DNAH5: variants seen among roughly 807,000 people sequenced by gnomAD.
DNAH5 encodes axonemal beta dynein heavy chain 5.
In DNAH5, 372 loss-of-function variants were observed where a neutral mutation model predicts 518.2. The ratio of observed to expected loss-of-function variants is 0.72; its 90% CI spans 0.66 to 0.78. The LOEUF (loss-of-function observed/expected upper bound fraction) is 0.78. DNAH5 is among the 30% of genes least tolerant of loss of function. The pLI is 0.00. For missense variants in DNAH5, 5,523 were observed against 5,687.0 expected (o/e 0.97, Z 0.93); for synonymous variants, 2,039 against 2,025.9 (o/e 1.01, Z -0.17).
chr5:13,876,748 G>A lies in DNAH5; in HGVS notation c.3332C>T (p.Ser1111Phe). The change falls in exon 22 of 79, where the codon TCT becomes TTT. Residue 1111 changes from serine to phenylalanine, a missense_variant. By Grantham distance (155) the Ser-to-Phe change is radical. Coordinates refer to ENST00000265104, the MANE Select transcript of DNAH5 (RefSeq NM_001369.3). ...VQTKNYYKNV[S>F]ENKEIVKLVS... Reference sequence around the variant, plus strand: ...TAATTTTACAATCTCTTTGTTTTCAGAAACATTCTTATAATAGTTCTTGGT... The same window carrying A: ...TAATTTTACAATCTCTTTGTTTTCAAAAACATTCTTATAATAGTTCTTGGT... 1 of 1,613,830 alleles carries A rather than the reference G, an allele frequency of 6.2e-7. No homozygotes were observed. The highest frequency in any genetic ancestry group is 1.3e-5 in the African/African-American group (1 of 75,034).
chr5:13,727,786 T>A (rs1404955183), intron 69 of DNAH5, 130 bp from the exon 70 acceptor site: 9 of 1,020,778 alleles, frequency 8.8e-6, no homozygotes, highest in Non-Finnish European at 1.3e-5. Flanking sequence ...GCTATTTTTT[T>A]ATTTTATATT....
Position 13,718,991 on chromosome 5 carries a change from C to A in DNAH5, c.12390G>T (p.Met4130Ile). Residue 4130 changes from methionine (M) to isoleucine (I), a missense_variant, in exon 72 of 79, where the codon ATG (methionine) becomes ATT (isoleucine). This residue lies in a region of DNAH5 where 5,121 missense variants were observed against 5,223.3 expected (regional missense o/e 0.98). Transcript: ENST00000265104. ...GAAACTGCTTATGAGCCTCGGTGGT[C>A]ATCCAGAGGCGGAACGCATCATGTA... Reference protein sequence around the residue: ...ELVHDAFRLWMTTEAHKQFPI... With the variant: ...ELVHDAFRLWITTEAHKQFPI... 1 of 1,613,940 alleles carries A rather than the reference C, an allele frequency of 6.2e-7. No individual in the cohort carries two copies. Among genetic ancestry groups the A allele is most frequent in the South Asian group, 1.1e-5 (1 of 91,042 alleles).
intron 35 of DNAH5, among the ~76,000 whole-genome samples, chr5:13,831,573 A>C (rs1763673923): frequency 6.6e-6 from 1 of 152,226 alleles, no homozygotes; most frequent in Non-Finnish European, 1.5e-5. Context: ...AGTGGAAATG[A>C]ACACTGAGTG....
intron 1 of DNAH5, among the ~76,000 whole-genome samples, chr5:13,937,474 T>C (rs1779033110): frequency 6.6e-6 from 1 of 151,584 alleles, no homozygotes; most frequent in African/African-American, 2.4e-5. Context: ...CCCCATCTTC[T>C]ACTCCTGAAA....
chr5:13,825,875 CAA>C (rs922229693), intron 38 of DNAH5, among the ~76,000 whole-genome samples: 1 of 151,592 alleles, frequency 6.6e-6, no homozygotes, highest in South Asian at 2.1e-4. Context: ...TTTACCACAA[CAA>C]AAAAAATGTA....
chr5:13,702,922 T>C (rs1308957978), intron 76 of DNAH5, among the ~76,000 whole-genome samples: 3 of 151,728 alleles, frequency 2.0e-5, no homozygotes, highest in Non-Finnish European at 4.4e-5. Flanking sequence ...CAACCCTCTA[T>C]CCTCCCACCC....
intron 65 of DNAH5, among the ~76,000 whole-genome samples, chr5:13,747,561 T>C (rs566915826): frequency 6.6e-6 from 1 of 152,334 alleles, no homozygotes; most frequent in Admixed American, 6.5e-5. Context: ...GCTTCCTGAC[T>C]TTTTAATGAT....
At chr5:13,714,675 A>G (rs1744056058) in intron 74 of DNAH5, 55 bp from the exon 75 acceptor site, 2 of 1,566,586 alleles carry the variant, frequency 1.3e-6, no homozygotes, top group Non-Finnish European at 8.8e-7. Context: ...CACCGTCTAA[A>G]TTACACTATT....
intron 35 of DNAH5, among the ~76,000 whole-genome samples, chr5:13,833,466 A>T (rs970813500): frequency 6.8e-6 from 1 of 146,424 alleles, no homozygotes. Flanking sequence ...AAGTGTTATC[A>T]GCAATTTTGA....
At chr5:13,886,820 T>C (rs1355419937) in intron 17 of DNAH5, among the ~76,000 whole-genome samples, 1 of 152,222 alleles carries the variant, frequency 6.6e-6, no homozygotes, top group Non-Finnish European at 1.5e-5. Context: ...TCCTGAAAAT[T>C]CTTTTCAGTC....
intron 31 of DNAH5, among the ~76,000 whole-genome samples, chr5:13,845,985 C>G (rs975669011): frequency 6.6e-6 from 1 of 150,866 alleles, no homozygotes; most frequent in Non-Finnish European, 1.5e-5. Context: ...CCTGTGCCAC[C>G]ACGCCCAGCT....
chr5:13,951,189 T>C (rs754111570), intron 1 of DNAH5, among the ~76,000 whole-genome samples: 1 of 4,374 alleles, frequency 2.3e-4, no homozygotes, highest in Non-Finnish European at 1.9e-3. Context: ...GTCTCTTTTG[T>C]TTTTTTTTTG....
intron 76 of DNAH5, among the ~76,000 whole-genome samples, chr5:13,701,841 C>T (rs1239978467): frequency 2.6e-5 from 4 of 152,142 alleles, no homozygotes; most frequent in Admixed American, 2.0e-4. Context: ...ATCTATAACA[C>T]ATAAAAAAGG....
intron 1 of DNAH5, among the ~76,000 whole-genome samples, chr5:13,988,416 A>AAT (rs1561049994): frequency 6.8e-6 from 1 of 148,082 alleles, no homozygotes. Context: ...CAAAACACCA[A>AAT]TTTTTTTTTT....
chr5:13,713,096 G>GGTGTGT (rs759159688), intron 75 of DNAH5, among the ~76,000 whole-genome samples: 36 of 116,506 alleles, frequency 3.1e-4, no homozygotes, highest in African/African-American at 1.0e-3. Context: ...AAGAAACTGT[G>GGTGTGT]GTGTGTGTGT....
chr5:13,927,021 C>T (rs1580927650), intron 3 of DNAH5, among the ~76,000 whole-genome samples: 1 of 151,990 alleles, frequency 6.6e-6, no homozygotes, highest in African/African-American at 2.4e-5. Context: ...TACTATATGC[C>T]AAGAGCAATA....
intron 69 of DNAH5, 79 bp downstream of exon 69, chr5:13,729,360 C>A (rs978863930): frequency 4.2e-5 from 66 of 1,576,826 alleles, no homozygotes; most frequent in Non-Finnish European, 5.7e-5. Flanking sequence ...TATCTCTCTT[C>A]CACAAATATT....
chr5:13,991,794 C>T lies in DNAH5; in HGVS notation c.12+19854G>A, dbSNP rs538911388. On this transcript the variant is annotated intron_variant, in intron 1 of 78. Transcript: ENST00000681290. ...CTTGAAAACCCATGTAGCCTAAAAACGGGAAGAGAACTATTTCTTTTTCTC... is the reference window on the plus strand; with the variant it reads ...CTTGAAAACCCATGTAGCCTAAAAATGGGAAGAGAACTATTTCTTTTTCTC... 2.5e-3 allele frequency among the ~76,000 whole-genome samples: 387 copies of T among 152,228 alleles called. 2 individuals are homozygous for T. Among genetic ancestry groups the T allele is most frequent in the African/African-American group, 8.9e-3 (370 of 41,536 alleles).
chr5:13,735,832 G>T lies in DNAH5; in HGVS notation c.11556C>A (p.Asp3852Glu). 1 of 1,614,056 alleles carries T rather than the reference G, an allele frequency of 6.2e-7. No individual in the cohort carries two copies. Among genetic ancestry groups the T allele is most frequent in the East Asian group, 2.2e-5 (1 of 44,876 alleles). The change falls in exon 67 of 79, where the codon GAC (aspartate) becomes GAA (glutamate). Residue 3852 changes from aspartate (D) to glutamate (E), a missense_variant. Around this residue, in one of 3 missense-constraint regions of DNAH5, gnomAD observed 5,121 missense variants for 5,223.3 expected, o/e 0.98. Coordinates refer to ENST00000265104, the MANE Select transcript of DNAH5 (RefSeq NM_001369.3). ...TACAGACGTACCTGGCTAAGGAAAG[G>T]TCAAATAAGCCCAGAAACTGGCGAA... is the stretch of plus-strand genomic sequence containing the variant. ...TSLRQFLGLF[D>E]LSLARSVKSP...
Sources: allele counts gnomAD v4.1 joint callset (sites outside exome capture counted in the v4.1 genomes callset), GRCh38; gene constraint gnomAD v4.1.1; regional missense constraint gnomAD v4.1.1; transcripts MANE v1.5; gene names NCBI Gene and HGNC (gene_info 2026-07-23, HGNC 2026-07-21).